ZNF518A: variants seen among roughly 807,000 people sequenced by gnomAD.
ZNF518A encodes the protein zinc finger protein 518.
Under a neutral mutation model 102.7 loss-of-function variants are expected in ZNF518A, and 47 were observed. The observed-to-expected ratio is 0.46, with a 90% confidence interval of 0.36 to 0.58. ZNF518A has a LOEUF of 0.58. Ranked by LOEUF, ZNF518A falls within the 20% of genes least tolerant of loss-of-function variation. The pLI is 0.00. For missense variants in ZNF518A, 1,793 were observed against 1,699.8 expected (o/e 1.05, Z -0.96); for synonymous variants, 652 against 594.6 (o/e 1.10, Z -1.40).
At chr10:96,172,788 A>G (rs1458687621) in intron 1 of ZNF518A, among the ~76,000 whole-genome samples, 4 of 152,150 alleles carry the variant, frequency 2.6e-5, no homozygotes, top group African/African-American at 9.6e-5. Context: ...CCTATAAAAA[A>G]CAAAAGCACA....
intron 3 of ZNF518A, among the ~76,000 whole-genome samples, chr10:96,141,450 A>G (rs1245963566): frequency 6.6e-6 from 1 of 152,206 alleles, no homozygotes; most frequent in South Asian, 2.1e-4. Context: ...TATGAACAGA[A>G]CAAAGGTAAA....
At chr10:96,142,072 A>G (rs1180960714) in intron 3 of ZNF518A, among the ~76,000 whole-genome samples, 1 of 152,152 alleles carries the variant, frequency 6.6e-6, no homozygotes, top group Non-Finnish European at 1.5e-5. Flanking sequence ...TAAGTTGTTC[A>G]TTAGACCACA....
chr10:96,189,673 T>G, intron 1 of ZNF518A: 1 of 718,204 alleles, frequency 1.4e-6, no homozygotes, highest in Non-Finnish European at 2.6e-6. Flanking sequence ...CAATGGTGCT[T>G]TTTCTTCAGT....
chr10:96,159,464 A>C lies in ZNF518A; in HGVS notation c.3142A>C (p.Lys1048Gln). 2 of 1,613,788 alleles carry C rather than the reference A, an allele frequency of 1.2e-6. No individual in the cohort carries two copies. The highest frequency in any genetic ancestry group is 4.5e-5 in the East Asian group (2 of 44,888). ...KSSSENTLPLKGPYILKPTSS... is the reference protein window; with the variant it reads ...KSSSENTLPLQGPYILKPTSS... ...TAGCTCAGAAAATACTTTGCCATTA[A>C]AAGGCCCTTACATTTTGAAACCAAC... The change falls in exon 6 of 6, where the codon AAA (lysine) becomes CAA (glutamine). Residue 1048 changes from lysine (K) to glutamine (Q), a missense_variant. By Grantham distance (53) the Lys-to-Gln change is moderately conservative (BLOSUM62 1). This residue lies in a region of ZNF518A where 1,741 missense variants were observed against 1,622.6 expected (regional missense o/e 1.07). Transcript: ENST00000316045.
At chr10:96,174,199 TACC>T (rs1292973828) in intron 1 of ZNF518A, among the ~76,000 whole-genome samples, 1 of 150,232 alleles carries the variant, frequency 6.7e-6, no homozygotes, top group African/African-American at 2.4e-5. Context: ...TATGTATACT[TACC>T]ACAATAAACA....
downstream of ZNF518A, chr10:96,204,561 C>T: frequency 6.2e-7 from 1 of 1,614,070 alleles, no homozygotes; most frequent in Non-Finnish European, 8.5e-7. Context: ...CTGGTGACTG[C>T]ACAGCTTCTT....
intron 1 of ZNF518A, chr10:96,196,869 G>A (rs781853086): frequency 3.2e-6 from 5 of 1,586,050 alleles, no homozygotes; most frequent in Middle Eastern, 1.7e-4. Context: ...TATACTCAAT[G>A]CATAGTTATA....
intron 3 of ZNF518A, among the ~76,000 whole-genome samples, chr10:96,153,695 A>G (rs1029792671): frequency 1.4e-4 from 21 of 152,212 alleles, no homozygotes; most frequent in Non-Finnish European, 4.4e-5. Flanking sequence ...ACTTACAAAA[A>G]TGTTCCCAAT....
intron 3 of ZNF518A, among the ~76,000 whole-genome samples, chr10:96,134,937 A>G (rs1403395187): frequency 2.0e-5 from 3 of 152,106 alleles, no homozygotes; most frequent in Non-Finnish European, 4.4e-5. Context: ...CATGTCATAT[A>G]TTGTTTTTGT....
intron 1 of ZNF518A, among the ~76,000 whole-genome samples, chr10:96,184,072 C>CT (rs2083256466): frequency 6.6e-6 from 1 of 152,094 alleles, no homozygotes; most frequent in Non-Finnish European, 1.5e-5. Flanking sequence ...ATTTAATGGC[C>CT]TTTTTTGTCT....
chr10:96,197,341 G>T (rs1554894947), intron 1 of ZNF518A, among the ~76,000 whole-genome samples: 2 of 152,010 alleles, frequency 1.3e-5, no homozygotes, highest in African/African-American at 4.8e-5. Context: ...GTCTCACTTT[G>T]TTGCCCAGGC....
At chr10:96,181,762 C>G (rs1321565871) in intron 1 of ZNF518A, among the ~76,000 whole-genome samples, 4 of 152,166 alleles carry the variant, frequency 2.6e-5, no homozygotes, top group Admixed American at 6.5e-5. Flanking sequence ...AGTTTGAAGT[C>G]AGGTAGCGTG....
chr10:96,174,057 A>C (rs1474332545), intron 1 of ZNF518A, among the ~76,000 whole-genome samples: 1 of 152,092 alleles, frequency 6.6e-6, no homozygotes, highest in East Asian at 1.9e-4. Flanking sequence ...AAAAAACATA[A>C]CCCACCAAAT....
chr10:96,158,964 T>C lies in ZNF518A; in HGVS notation c.2642T>C (p.Ile881Thr). 1.2e-6 allele frequency: 2 copies of C among 1,613,580 alleles called. No homozygotes were observed. The highest frequency in any genetic ancestry group is 1.3e-5 in the African/African-American group (1 of 75,028). Residue 881 changes from isoleucine to threonine, a missense_variant, in exon 6 of 6, where the codon ATT becomes ACT. Coordinates refer to ENST00000316045, the MANE Select transcript of ZNF518A (RefSeq NM_001330736.2). The part of the protein sequence containing the change: ...DVRDSEKMPR[I>T]SGFGTLLKTQ... Reference sequence around the variant, plus strand: ...AGAGATTCAGAGAAGATGCCTAGAATTTCAGGTTTTGGCACATTACTTAAG... The same window carrying C: ...AGAGATTCAGAGAAGATGCCTAGAACTTCAGGTTTTGGCACATTACTTAAG...
At chr10:96,177,070 C>G (rs2083209351) in intron 1 of ZNF518A, among the ~76,000 whole-genome samples, 1 of 91,506 alleles carries the variant, frequency 1.1e-5, no homozygotes, top group African/African-American at 3.5e-5. Context: ...CAGAGTGAGT[C>G]TCTGTCTCAA....
chr10:96,150,239 C>T (rs1405948144), intron 3 of ZNF518A, among the ~76,000 whole-genome samples: 3 of 150,174 alleles, frequency 2.0e-5, no homozygotes, highest in Non-Finnish European at 4.4e-5. Context: ...GAGGCTGAGG[C>T]AGGAGAATGG....
downstream of ZNF518A, among the ~76,000 whole-genome samples, chr10:96,165,230 G>A (rs1221962151): frequency 5.9e-5 from 9 of 152,024 alleles, no homozygotes; most frequent in East Asian, 3.9e-4. Context: ...TTCAAGTACC[G>A]CTCCTGTAGT....
chr10:96,183,643 C>G (rs944287947), intron 1 of ZNF518A, among the ~76,000 whole-genome samples: 43 of 152,106 alleles, frequency 2.8e-4, no homozygotes, highest in Admixed American at 3.3e-4. Context: ...TTTCTTAATC[C>G]TGAGTTCTAA....
At chr10:96,181,261 A>T (rs1269048464) in intron 1 of ZNF518A, among the ~76,000 whole-genome samples, 1 of 152,042 alleles carries the variant, frequency 6.6e-6, no homozygotes, top group Non-Finnish European at 1.5e-5. Context: ...TGTCAGATGG[A>T]TAGATTGCAA....
Sources: gnomAD v4.1 joint callset for allele counts (sites outside exome capture counted in the v4.1 genomes callset) on GRCh38, gnomAD v4.1.1 for gene constraint, gnomAD v4.1.1 regional missense constraint, MANE v1.5 for transcripts, NCBI Gene and HGNC (gene_info 2026-07-23, HGNC 2026-07-21) for gene names.